The following TERF2 variants were observed in gnomAD, a reference collection of about 807,000 sequenced individuals.
The protein encoded by TERF2 is telomeric repeat binding factor 2.
In TERF2, 16 loss-of-function variants were observed where a neutral mutation model predicts 56.1. The observed-to-expected ratio is 0.29, with a 90% CI of 0.19 to 0.43. TERF2 has a LOEUF of 0.43. TERF2 is among the 20% of genes least tolerant of loss of function. The pLI, the probability that TERF2 is intolerant of heterozygous loss-of-function variation, is 1.00. For missense variants in TERF2, 547 were observed against 712.9 expected (o/e 0.77, Z 2.65); for synonymous variants, 296 against 282.1 (o/e 1.05, Z -0.50).
chr16:69,383,010 C>G (rs1347656748), intron 3 of TERF2, among the ~76,000 whole-genome samples: 2 of 152,030 alleles, frequency 1.3e-5, no homozygotes, highest in Non-Finnish European at 2.9e-5. Flanking sequence ...TTAGATTTTT[C>G]TAATAGATTT....
At chr16:69,357,988 G>T (rs994506567) in intron 8 of TERF2, among the ~76,000 whole-genome samples, 1 of 143,882 alleles carries the variant, frequency 7.0e-6, no homozygotes. Context: ...GACTACAGGC[G>T]CCCGCCACCA....
At chr16:69,359,611 C>G (rs1309212442) in intron 8 of TERF2, among the ~76,000 whole-genome samples, 1 of 131,484 alleles carries the variant, frequency 7.6e-6, no homozygotes, top group Non-Finnish European at 1.6e-5. Flanking sequence ...TAATCTTCCT[C>G]TTACTATCAT....
intron 7 of TERF2, among the ~76,000 whole-genome samples, chr16:69,361,972 TCCC>T (rs2013162632): frequency 7.1e-6 from 1 of 140,904 alleles, no homozygotes; most frequent in African/African-American, 2.7e-5. Flanking sequence ...GCTAGGCTCT[TCCC>T]CTTCCAAAGC....
At chr16:69,378,729 G>T (rs897134940) in intron 3 of TERF2, among the ~76,000 whole-genome samples, 23 of 152,312 alleles carry the variant, frequency 1.5e-4, no homozygotes, top group African/African-American at 5.5e-4. Context: ...TCCTCAGATA[G>T]CTACTCCATG....
At chr16:69,361,368 G>A (rs1277834510) in intron 8 of TERF2, 36 bp downstream of exon 8, 1 of 1,423,306 alleles carries the variant, frequency 7.0e-7, no homozygotes, top group Admixed American at 1.7e-5. Flanking sequence ...ACTTCAGCAA[G>A]CATCAAGAAG....
chr16:69,370,676 T>C (rs780220984), intron 4 of TERF2, 47 bp from the exon 5 acceptor site: 1 of 1,553,882 alleles, frequency 6.4e-7, no homozygotes, highest in South Asian at 1.2e-5. Flanking sequence ...AGAACTCCAG[T>C]AAAAATTCAA....
chr16:69,372,179 A>G (rs1338473695), intron 4 of TERF2, 90 bp downstream of exon 4: 4 of 864,766 alleles, frequency 4.6e-6, no homozygotes, highest in Non-Finnish European at 7.3e-6. Flanking sequence ...TATTTAAGTA[A>G]TATTCCTGAC....
At chr16:69,375,866 T>A (rs1039427785) in intron 3 of TERF2, among the ~76,000 whole-genome samples, 4 of 152,184 alleles carry the variant, frequency 2.6e-5, no homozygotes, top group Admixed American at 2.0e-4. Flanking sequence ...AATTTTTTTT[T>A]ACCATCTACA....
At chr16:69,370,875 C>T (rs1010868257) in intron 4 of TERF2, among the ~76,000 whole-genome samples, 2 of 151,938 alleles carry the variant, frequency 1.3e-5, no homozygotes, top group Non-Finnish European at 2.9e-5. Context: ...TAGAATGATT[C>T]CAAGATATAA....
Position 69,366,820 on chromosome 16 carries a change from C to T in TERF2, c.1327G>A (p.Glu443Lys), listed in dbSNP as rs2013363965. ...PTVLNQPLPG[E>K]KNPKVPKGKW... The stretch of plus-strand genomic sequence containing the variant: ...AGGTCTTCATACTTGGGATTCTTCT[C>T]TCCAGGGAGGGGTTGGTTGAGAACG... Residue 443 changes from glutamate (E) to lysine (K), a missense_variant, in exon 7 of 10, where the codon GAG (glutamate) becomes AAG (lysine). Glu to Lys is a moderately conservative substitution (Grantham distance 56). Coordinates refer to ENST00000254942, the MANE Select transcript of TERF2 (RefSeq NM_005652.5). 4 of 1,612,028 alleles carry T rather than the reference C, an allele frequency of 2.5e-6. No individual in the cohort carries two copies. The highest frequency in any genetic ancestry group is 3.4e-6 in the Non-Finnish European group (4 of 1,179,008).
At chr16:69,379,690 ATATT>A (rs1054743439) in intron 3 of TERF2, among the ~76,000 whole-genome samples, 7 of 152,340 alleles carry the variant, frequency 4.6e-5, no homozygotes, top group Middle Eastern at 3.4e-3. Flanking sequence ...AAAATTTTAA[ATATT>A]TATTAATTCA....
intron 3 of TERF2, among the ~76,000 whole-genome samples, chr16:69,383,912 A>C (rs1023133005): frequency 6.6e-6 from 1 of 152,104 alleles, no homozygotes; most frequent in African/African-American, 2.4e-5. Context: ...GGGAAGAAAA[A>C]TCTTTTTCTA....
At position 69,370,529 on chromosome 16, in the gene TERF2, C is replaced by T. The variant is rs763347805; in HGVS notation, c.794G>A (p.Arg265His). The T allele has an allele frequency of 1.9e-5, 30 of 1,614,060 alleles. No individual in the cohort carries two copies. Among genetic ancestry groups the T allele is most frequent in the South Asian group, 4.4e-5 (4 of 91,080 alleles). ...GTCATCCAGGTGGCTCTCCAGGAAG[C>T]GCAGCATCTTCTGCTGGAAGGTCTC... ...SYETFQQKML[R>H]FLESHLDDAE... Residue 265 changes from arginine to histidine, a missense_variant, in exon 5 of 10, where the codon CGC (arginine) becomes CAC (histidine). Arg to His is a conservative substitution (Grantham distance 29). This residue lies in a region of TERF2 where 97 missense variants were observed against 157.0 expected (regional missense o/e 0.62). Transcript: ENST00000254942.
chr16:69,360,671 G>GCAT (rs1407323175), intron 8 of TERF2, among the ~76,000 whole-genome samples: 1 of 132,624 alleles, frequency 7.5e-6, no homozygotes, highest in Non-Finnish European at 1.5e-5. Context: ...TCACACCACT[G>GCAT]CATTCCACCT....
In TERF2 at chr16:69,361,484, G is replaced by T; in HGVS notation, c.1346C>A (p.Pro449His). Reference sequence around the variant, plus strand: ...ATTAGAGCTGTTCCACTTGCCTTTGGGTACTCTGAGGGGAGATCAAGGAGA... The same window carrying T: ...ATTAGAGCTGTTCCACTTGCCTTTGTGTACTCTGAGGGGAGATCAAGGAGA... ...PLPGEKNPKV[P>H]KGKWNSSNGV... is the part of the protein sequence containing the mutation. Residue 449 changes from proline (P) to histidine (H), a missense_variant, in exon 8 of 10, where the codon CCC (proline) becomes CAC (histidine). Transcript: ENST00000254942. 1 of 1,611,456 alleles carries T rather than the reference G, an allele frequency of 6.2e-7. No homozygotes were observed. Among genetic ancestry groups the T allele is most frequent in the Non-Finnish European group, 8.5e-7 (1 of 1,177,712 alleles).
intron 3 of TERF2, among the ~76,000 whole-genome samples, chr16:69,376,367 G>C (rs140392838): frequency 2.7e-4 from 41 of 152,066 alleles, no homozygotes; most frequent in African/African-American, 8.4e-4. Flanking sequence ...TATTTGTGTG[G>C]GTCTGTTTTT....
chr16:69,382,895 G>C (rs1395205515), intron 3 of TERF2, among the ~76,000 whole-genome samples: 2 of 152,106 alleles, frequency 1.3e-5, no homozygotes, highest in Admixed American at 6.6e-5. Flanking sequence ...CTTATTCTTG[G>C]AGTAACTTGT....
intron 7 of TERF2, chr16:69,365,090 G>C (rs1195170490): frequency 6.6e-6 from 1 of 152,250 alleles, no homozygotes; most frequent in Non-Finnish European, 1.5e-5. Context: ...ACATATGAGA[G>C]AGGGTGTATG....
chr16:69,362,460 C>T (rs2142714252), intron 7 of TERF2, among the ~76,000 whole-genome samples: 1 of 152,308 alleles, frequency 6.6e-6, no homozygotes, highest in African/African-American at 2.4e-5. Context: ...AAACACATAG[C>T]ATACCCAGCA....
Sources: gnomAD v4.1 joint callset for allele counts (sites outside exome capture counted in the v4.1 genomes callset) on GRCh38, gnomAD v4.1.1 for gene constraint, gnomAD v4.1.1 regional missense constraint, MANE v1.5 for transcripts, NCBI Gene and HGNC (gene_info 2026-07-23, HGNC 2026-07-21) for gene names.